APOE: variants seen among roughly 807,000 people sequenced by gnomAD.
APOE encodes apolipoprotein E, also known as apolipoprotein E3.
A neutral mutation model predicts 13.1 loss-of-function variants in APOE; 10 were observed. That is an observed-to-expected ratio of 0.76 (90% CI 0.47 to 1.29). The LOEUF (loss-of-function observed/expected upper bound fraction) is 1.29. APOE is among the 50% of genes most tolerant of loss of function. The pLI is 0.00. For synonymous variants in APOE, 211 were observed against 207.1 expected (o/e 1.02, Z -0.16); for missense variants, 471 against 459.6 (o/e 1.02, Z -0.23).
rs747919742 is a variant in APOE at position 44,909,349 on chromosome 19, C to T, written c.*99C>T. ...CCCTGTCCCCGCCCCAGCCGTCCTC[C>T]TGGGGTGGACCCTAGTTTAATAAAG... On this transcript the variant is annotated 3_prime_UTR_variant, in exon 4 of 4. Transcript: ENST00000252486. 7 of 1,111,044 alleles carry T rather than the reference C, an allele frequency of 6.3e-6. No individual in the cohort carries two copies. The highest frequency in any genetic ancestry group is 9.3e-6 in the Non-Finnish European group (7 of 753,542). 68.8% of individuals were successfully genotyped at this position (1,111,044 alleles called of 1,614,324 possible).
rs772554321 is a variant in APOE, at chr19:44,907,938, C to A, written c.222C>A (p.Val74=). 1 of 1,613,392 alleles carries A rather than the reference C, an allele frequency of 6.2e-7. No homozygotes were observed. The highest frequency in any genetic ancestry group is 1.3e-5 in the African/African-American group (1 of 74,906). Residue 74 remains valine, a synonymous_variant, in exon 3 of 4, where the codon GTC becomes GTA. Transcript: ENST00000252486. The surrounding 1 kb of genome is among the most constrained non-coding windows in gnomAD (Gnocchi z 4.1). ...QVQEELLSSQ[V]TQELRALMDE... ...AGGAGGAGCTGCTCAGCTCCCAGGT[C>A]ACCCAGGAACTGAGGTGAGTGTCCC...
At position 44,907,951 on chromosome 19, in the gene APOE, A is replaced by G; in HGVS notation, c.235A>G (p.Arg79Gly). 1.2e-6 allele frequency: 2 copies of G among 1,612,862 alleles called. No individual in the cohort carries two copies. The highest frequency in any genetic ancestry group is 1.1e-5 in the South Asian group (1 of 90,956). The change falls in exon 3 of 4, where the codon AGG becomes GGG. Residue 79 changes from arginine (R) to glycine (G), a missense_variant and splice_region_variant. Arg to Gly is a moderately radical substitution (Grantham distance 125). Coordinates refer to ENST00000252486, the MANE Select transcript of APOE (RefSeq NM_000041.4). The surrounding 1 kb of genome is among the most constrained non-coding windows in gnomAD (Gnocchi z 4.1). Reference protein sequence around the residue: ...LLSSQVTQELRALMDETMKEL... With the variant: ...LLSSQVTQELGALMDETMKEL... ...CAGCTCCCAGGTCACCCAGGAACTG[A>G]GGTGAGTGTCCCCATCCTGGCCCTT... is the stretch of plus-strand genomic sequence containing the variant.
rs761988169 is a variant in APOE at position 44,908,578 on chromosome 19, G to A, written c.282G>A (p.Ser94=). Residue 94 remains serine (S), a synonymous_variant, in exon 4 of 4, where the codon TCG becomes TCA. Coordinates refer to ENST00000252486, the MANE Select transcript of APOE (RefSeq NM_000041.4). ...TGAAGGAGTTGAAGGCCTACAAATC[G>A]GAACTGGAGGAACAACTGACCCCGG... ...ETMKELKAYK[S]ELEEQLTPVA... 1 of 1,613,526 alleles carries A rather than the reference G, an allele frequency of 6.2e-7. No homozygotes were observed. The highest frequency in any genetic ancestry group is 1.3e-5 in the African/African-American group (1 of 74,918).
At chr19:44,908,490 C>G (rs1027479858) in intron 3 of APOE, 43 bp from the exon 4 acceptor site, 3 of 1,604,978 alleles carry the variant, frequency 1.9e-6, no homozygotes, top group Non-Finnish European at 2.6e-6. Context: ...GCCCTTCTCC[C>G]CGCCTCCCAC....
At chr19:44,906,421 A>G (rs1435176195) in intron 1 of APOE, 181 bp from the exon 2 acceptor site, 1 of 660,630 alleles carries the variant, frequency 1.5e-6, no homozygotes, top group African/African-American at 1.8e-5. Context: ...ATAAGAGAAG[A>G]CCAGGAGGGA....
Position 44,908,975 on chromosome 19 carries a change from GCCTGGGGCGA to G in APOE, c.680_689del (p.Ala227GlyfsTer21). 6.5e-7 allele frequency: 1 copy of G among 1,531,508 alleles called. No individual in the cohort carries two copies. The highest frequency in any genetic ancestry group is 8.7e-7 in the Non-Finnish European group (1 of 1,144,944). The allele number at this position is 1,531,508 out of a possible 1,614,324, so 94.9% of individuals were successfully genotyped here. Reference sequence around the variant, plus strand: ...CCAGCCGCTACAGGAGCGGGCCCAGGCCTGGGGCGAGCGGCTGCGCGCGCGGATGGAGGAG... The same window carrying G: ...CCAGCCGCTACAGGAGCGGGCCCAGGGCGGCTGCGCGCGCGGATGGAGGAG... On this transcript the variant is annotated frameshift_variant, in exon 4 of 4. Coordinates refer to ENST00000252486, the MANE Select transcript of APOE (RefSeq NM_000041.4). LOFTEE classifies it low-confidence loss of function (END_TRUNC).
Position 44,909,146 on chromosome 19 carries a change from G to A in APOE, c.850G>A (p.Glu284Lys), listed in dbSNP as rs1396111554. 2 of 1,601,400 alleles carry A rather than the reference G, an allele frequency of 1.2e-6. No individual in the cohort carries two copies. The highest frequency in any genetic ancestry group is 1.7e-6 in the Non-Finnish European group (2 of 1,178,820). ...AFQARLKSWFEPLVEDMQRQW... is the reference protein window; with the variant it reads ...AFQARLKSWFKPLVEDMQRQW... ...CCAGGCCCGCCTCAAGAGCTGGTTC[G>A]AGCCCCTGGTGGAAGACATGCAGCG... is the stretch of plus-strand genomic sequence containing the variant. Residue 284 changes from glutamate (E) to lysine (K), a missense_variant, in exon 4 of 4, where the codon GAG (glutamate) becomes AAG (lysine). By Grantham distance (56) the Glu-to-Lys change is moderately conservative. Coordinates refer to ENST00000252486, the MANE Select transcript of APOE (RefSeq NM_000041.4).
chr19:44,908,409 G>C (rs912866191), intron 3 of APOE, 124 bp from the exon 4 acceptor site: 1 of 950,466 alleles, frequency 1.1e-6, no homozygotes, highest in African/African-American at 1.6e-5. Flanking sequence ...TCCTTCTCTC[G>C]GCCTCTGCCC....
chr19:44,906,771 G>A, intron 2 of APOE, 104 bp downstream of exon 2: 1 of 1,148,690 alleles, frequency 8.7e-7, no homozygotes, highest in Non-Finnish European at 1.3e-6. Flanking sequence ...CTCTTCTGAG[G>A]CTTCTGTGCT....
intron 3 of APOE, 80 bp downstream of exon 3, chr19:44,908,032 T>A: frequency 7.1e-7 from 1 of 1,406,024 alleles, no homozygotes; most frequent in South Asian, 1.2e-5. Flanking sequence ...TCTGCCCCTG[T>A]CGCTAAGTCT....
In APOE at chr19:44,908,027, C is replaced by G. The variant is rs539807928; in HGVS notation, c.236+75C>G. 8.3e-6 allele frequency: 12 copies of G among 1,447,534 alleles called. No homozygotes were observed. The Admixed American group carries it at 2.3e-4, about 28-fold the overall frequency. The allele number at this position is 1,447,534 out of a possible 1,614,324, so 89.7% of individuals were successfully genotyped here. A position where few individuals can be genotyped will look rare whatever the true frequency, so the allele number is the denominator to read the frequency against. On this transcript the variant is annotated intron_variant, in intron 3 of 3. Coordinates refer to ENST00000252486, the MANE Select transcript of APOE (RefSeq NM_000041.4). ...TCCCCAGGTCCAGGTTTCATTCTGC[C>G]CCTGTCGCTAAGTCTTGGGGGGCCT...
chr19:44,908,844 G>A lies in APOE; in HGVS notation c.548G>A (p.Gly183Glu). 1 of 1,527,840 alleles carries A rather than the reference G, an allele frequency of 6.5e-7. No individual in the cohort carries two copies. Among genetic ancestry groups the A allele is most frequent in the Non-Finnish European group, 8.8e-7 (1 of 1,142,416 alleles). The allele number at this position is 1,527,840 out of a possible 1,614,324, so 94.6% of individuals were successfully genotyped here. ...LQKRLAVYQA[G>E]AREGAERGLS... The stretch of plus-strand genomic sequence containing the variant: ...AAGCGCCTGGCAGTGTACCAGGCCG[G>A]GGCCCGCGAGGGCGCCGAGCGCGGC... Residue 183 changes from glycine to glutamate, a missense_variant, in exon 4 of 4, where the codon GGG (glycine) becomes GAG (glutamate). By Grantham distance (98) the Gly-to-Glu change is moderately conservative. Coordinates refer to ENST00000252486, the MANE Select transcript of APOE (RefSeq NM_000041.4).
chr19:44,908,145 C>T (rs571607340), intron 3 of APOE, among the ~76,000 whole-genome samples, 193 bp downstream of exon 3: 1 of 152,280 alleles, frequency 6.6e-6, no homozygotes, highest in Non-Finnish European at 1.5e-5. Flanking sequence ...TCTCTCTCTT[C>T]CCTTCTGACT....
chr19:44,906,385 A>C, intron 1 of APOE: 1 of 586,696 alleles, frequency 1.7e-6, no homozygotes, highest in Non-Finnish European at 3.1e-6. Flanking sequence ...GGAATTTTCT[A>C]TGGAGGCCGA....
At chr19:44,906,695 C>T (rs1368454031) in intron 2 of APOE, 28 bp downstream of exon 2, 2 of 1,609,894 alleles carry the variant, frequency 1.2e-6, no homozygotes, top group East Asian at 2.2e-5. Context: ...GCTCGGTTCC[C>T]CCCGCTCCTC....
chr19:44,908,858 G>A lies in APOE; in HGVS notation c.562G>A (p.Ala188Thr). 6.6e-7 allele frequency: 1 copy of A among 1,520,690 alleles called. No homozygotes were observed. 94.2% of individuals were successfully genotyped at this position (1,520,690 alleles called of 1,614,324 possible). The stretch of plus-strand genomic sequence containing the variant: ...GTACCAGGCCGGGGCCCGCGAGGGC[G>A]CCGAGCGCGGCCTCAGCGCCATCCG... ...AVYQAGAREG[A>T]ERGLSAIRER... The change falls in exon 4 of 4, where the codon GCC becomes ACC. Residue 188 changes from alanine (A) to threonine (T), a missense_variant. Ala to Thr is a moderately conservative substitution (Grantham distance 58). Transcript: ENST00000252486.
chr19:44,906,740 T>TGAA, intron 2 of APOE, 73 bp downstream of exon 2: 1 of 1,502,070 alleles, frequency 6.7e-7, no homozygotes, highest in Non-Finnish European at 9.3e-7. Context: ...CCTGGCCCCA[T>TGAA]TCAGGCAGAC....
chr19:44,906,339 TG>T (rs1252066494), intron 1 of APOE: 6 of 389,482 alleles, frequency 1.5e-5, no homozygotes, highest in African/African-American at 5.6e-5. Context: ...GGGGAGGGGG[TG>T]GGGGGATGGA....
chr19:44,906,709 C>A, intron 2 of APOE, 42 bp downstream of exon 2: 1 of 1,600,088 alleles, frequency 6.2e-7, no homozygotes, highest in Non-Finnish European at 8.6e-7. Context: ...GCTCCTCCCC[C>A]TCTCATCCTC....
Sources: allele counts gnomAD v4.1 joint callset (sites outside exome capture counted in the v4.1 genomes callset), GRCh38; gene constraint gnomAD v4.1.1; non-coding constraint Gnocchi (gnomAD v3.1); transcripts MANE v1.5; gene names NCBI Gene and HGNC (gene_info 2026-07-23, HGNC 2026-07-21).